ATP8A2: variants seen among roughly 807,000 people sequenced by gnomAD.
ATP8A2 encodes the protein ATPase phospholipid transporting 8A2.
ATP8A2 carries 100 observed loss-of-function variants against 165.6 expected under a neutral mutation model. That is an observed-to-expected ratio of 0.60 (90% CI 0.51 to 0.71). The LOEUF (loss-of-function observed/expected upper bound fraction) is 0.71. Among genes scored for constraint, ATP8A2 ranks in the 30% least tolerant of loss-of-function variants. The pLI is 0.00. For missense variants in ATP8A2, 1,227 were observed against 1,479.5 expected (o/e 0.83, Z 2.80); for synonymous variants, 543 against 548.8 (o/e 0.99, Z 0.15).
chr13:25,550,075 A>C (rs763563513), intron 10 of ATP8A2, among the ~76,000 whole-genome samples: 2 of 152,104 alleles, frequency 1.3e-5, no homozygotes, highest in Non-Finnish European at 2.9e-5. Flanking sequence ...GAGGCCGAGG[A>C]GGGTGGATCA....
chr13:25,633,715 C>T (rs2041302665), intron 24 of ATP8A2, among the ~76,000 whole-genome samples: 1 of 152,150 alleles, frequency 6.6e-6, no homozygotes. Flanking sequence ...GTCGCTCACG[C>T]TTGTAATCCT....
Position 26,022,863 on chromosome 13 carries a change from C to T in ATP8A2, c.*2878C>T, listed in dbSNP as rs1484877387. ...GGCAGGTCACGCTCGGTTAGCGCTC[C>T]AGGGCCTGACTCTGGATTGAGCTAA... On this transcript the variant is annotated 3_prime_UTR_variant, in exon 37 of 37. Coordinates refer to ENST00000381655, the MANE Select transcript of ATP8A2 (RefSeq NM_016529.6). 6.6e-6 allele frequency: 1 copy of T among 152,300 alleles called. No homozygotes were observed. Among genetic ancestry groups the T allele is most frequent in the African/African-American group, 2.4e-5 (1 of 41,464 alleles). The allele number at this position is 152,300 out of a possible 1,614,324, so 9.4% of individuals were successfully genotyped here.
chr13:25,519,367 G>A (rs2037585124), intron 2 of ATP8A2, among the ~76,000 whole-genome samples: 1 of 151,658 alleles, frequency 6.6e-6, no homozygotes, highest in East Asian at 1.9e-4. Context: ...ATGCTGTTAT[G>A]TGTTCTATTT....
chr13:25,975,351 G>T (rs1188968169), intron 35 of ATP8A2, among the ~76,000 whole-genome samples: 2 of 152,020 alleles, frequency 1.3e-5, no homozygotes, highest in African/African-American at 2.4e-5. Flanking sequence ...AGGCGGGCAG[G>T]TCACGAGGTC....
rs116932550 is a variant in ATP8A2 at position 25,444,356 on chromosome 13, T to C, written c.77-24621T>C. Among the ~76,000 whole-genome samples the C allele has an allele frequency of 2.6e-3, 398 of 152,322 alleles. 4 individuals carry two copies. The highest frequency in any genetic ancestry group is 5.2e-3 in the Admixed American group (79 of 15,308). On this transcript the variant is annotated intron_variant, in intron 1 of 36. Transcript: ENST00000381655. The stretch of plus-strand genomic sequence containing the variant: ...TCTGCTAATGTGAATAAAGTTCTTG[T>C]ATGAATTTTTGTGGACGTAACTTTT...
chr13:25,590,002 A>G (rs1461014018), intron 24 of ATP8A2, among the ~76,000 whole-genome samples: 1 of 152,216 alleles, frequency 6.6e-6, no homozygotes, highest in African/African-American at 2.4e-5. Flanking sequence ...TATTAGTGGA[A>G]CCTATTATGA....
intron 33 of ATP8A2, among the ~76,000 whole-genome samples, chr13:25,956,045 G>A (rs1955511009): frequency 6.6e-6 from 1 of 152,124 alleles, no homozygotes; most frequent in East Asian, 1.9e-4. Flanking sequence ...CTCACTAGAT[G>A]CAGAAAAGGC....
At chr13:25,676,951 T>C (rs2042384962) in intron 24 of ATP8A2, among the ~76,000 whole-genome samples, 1 of 152,206 alleles carries the variant, frequency 6.6e-6, no homozygotes, top group African/African-American at 2.4e-5. Context: ...ACTTCTTTTT[T>C]TGTTTTTCTT....
chr13:25,469,272 C>T (rs1416692445), intron 2 of ATP8A2, 151 bp downstream of exon 2: 7 of 937,118 alleles, frequency 7.5e-6, no homozygotes, highest in East Asian at 2.6e-5. Context: ...CCCACTAGCC[C>T]GCGGTGCAGC....
In ATP8A2 at chr13:26,017,210, C is replaced by T. The variant is rs187301227; in HGVS notation, c.3470-2678C>T. Among the ~76,000 whole-genome samples the T allele has an allele frequency of 4.0e-5, 6 of 151,644 alleles. No homozygotes were observed. In the East Asian group the frequency reaches 1.2e-3, roughly 29 times the overall value. On this transcript the variant is annotated intron_variant, in intron 36 of 36. Transcript: ENST00000381655. Reference sequence around the variant, plus strand: ...CACTTCTGTAGGACTGAGGAGCAGCCCCGGGAGTGGTGCAGCAGCTGTGGA... The same window carrying T: ...CACTTCTGTAGGACTGAGGAGCAGCTCCGGGAGTGGTGCAGCAGCTGTGGA...
At chr13:25,767,374 G>A (rs1367315919) in intron 25 of ATP8A2, among the ~76,000 whole-genome samples, 1 of 152,232 alleles carries the variant, frequency 6.6e-6, no homozygotes, top group Non-Finnish European at 1.5e-5. Flanking sequence ...TGGTGATTCT[G>A]TTCTATTCTG....
chr13:25,531,139 A>ATATATATGT lies in ATP8A2; in HGVS notation c.420+487_420+495dup, dbSNP rs1489702323. Among the ~76,000 whole-genome samples, 9 of 141,608 alleles carry ATATATATGT rather than the reference A, an allele frequency of 6.4e-5. 1 individual carries two copies. Among genetic ancestry groups the ATATATATGT allele is most frequent in the Non-Finnish European group, 1.1e-4 (7 of 66,636 alleles). The allele number at this position is 141,608 out of a possible 152,430, so 92.9% of individuals were successfully genotyped here. ...CCCCTATATATTTGTGTGTGTGTGT[A>ATATATATGT]TATATATGTTATATATATGATATAT... On this transcript the variant is annotated intron_variant, in intron 4 of 36. Transcript: ENST00000381655.
intron 22 of ATP8A2, among the ~76,000 whole-genome samples, chr13:25,580,967 TCA>T (rs2138238815): frequency 6.6e-6 from 1 of 152,348 alleles, no homozygotes; most frequent in African/African-American, 2.4e-5. Context: ...TTATTTATAT[TCA>T]GTCATTTTAA....
In ATP8A2 at chr13:25,937,362, C is replaced by CTTTCTTTTTTTT; in HGVS notation, c.3184-24210_3184-24209insCTTTTTTTTTTT. Among the ~76,000 whole-genome samples, 112 of 38,788 alleles carry CTTTCTTTTTTTT rather than the reference C, an allele frequency of 2.9e-3. 26 individuals carry two copies. In the South Asian group the frequency reaches 0.033, roughly 11 times the overall value. 25.4% of individuals were successfully genotyped at this position (38,788 alleles called of 152,430 possible). On this transcript the variant is annotated intron_variant, in intron 33 of 36. Transcript: ENST00000381655. ...TGCTTTGTCTTTCTATTCTTTCTTTCTTTTTTTTTTTTTTTTTGAACAGCC... is the reference window on the plus strand; with the variant it reads ...TGCTTTGTCTTTCTATTCTTTCTTTCTTTCTTTTTTTTTTTTTTTTTTTTTTTTTGAACAGCC...
At chr13:25,526,364 T>C (rs920456832) in intron 2 of ATP8A2, among the ~76,000 whole-genome samples, 1 of 152,178 alleles carries the variant, frequency 6.6e-6, no homozygotes, top group South Asian at 2.1e-4. Context: ...CACTTATGAA[T>C]GTATGTGTAT....
intron 35 of ATP8A2, among the ~76,000 whole-genome samples, chr13:26,006,194 A>G (rs1034690736): frequency 6.6e-6 from 1 of 152,098 alleles, no homozygotes; most frequent in Admixed American, 6.5e-5. Flanking sequence ...ATGTTTTCAG[A>G]AGTGTTTTAT....
intron 16 of ATP8A2, 53 bp downstream of exon 16, chr13:25,564,084 C>A (rs2039242552): frequency 7.7e-7 from 1 of 1,291,080 alleles, no homozygotes; most frequent in Non-Finnish European, 1.1e-6. Context: ...GTGCAACTTT[C>A]TTTTATATAT....
chr13:25,379,736 G>C (rs148557916), intron 1 of ATP8A2, among the ~76,000 whole-genome samples: 1 of 152,276 alleles, frequency 6.6e-6, no homozygotes, highest in East Asian at 1.9e-4. Flanking sequence ...CCTGCTAAGC[G>C]TGTAAGATAG....
chr13:25,551,222 A>G, intron 10 of ATP8A2, 116 bp from the exon 11 acceptor site: 1 of 1,032,986 alleles, frequency 9.7e-7, no homozygotes, highest in Non-Finnish European at 1.4e-6. Context: ...TTATTTGGCA[A>G]AAAAATAGTC....
Sources: gnomAD v4.1 joint callset for allele counts (sites outside exome capture counted in the v4.1 genomes callset) on GRCh38, gnomAD v4.1.1 for gene constraint, MANE v1.5 for transcripts, NCBI Gene and HGNC (gene_info 2026-07-23, HGNC 2026-07-21) for gene names.